FOXC1: variants seen among roughly 807,000 people sequenced by gnomAD.
FOXC1 encodes the protein forkhead box protein C1.
FOXC1 carries 5 observed loss-of-function variants against 8.1 expected under a neutral mutation model. The observed-to-expected ratio is 0.62, with a 90% CI of 0.32 to 1.30. FOXC1 has a LOEUF of 1.30. FOXC1 is among the 50% of genes most tolerant of loss of function. The pLI is 0.05. For missense variants in FOXC1, 942 were observed against 858.0 expected, an observed-to-expected ratio of 1.10 and a Z score of -1.22; for synonymous variants, 552 against 417.2, an observed-to-expected ratio of 1.32 and a Z score of -3.94.
Position 1,611,083 on chromosome 6 carries a change from C to T in FOXC1, c.638C>T (p.Ala213Val). The T allele has an allele frequency of 7.2e-7, 1 of 1,379,492 alleles. No individual in the cohort carries two copies. Among genetic ancestry groups the T allele is most frequent in the Non-Finnish European group, 9.4e-7 (1 of 1,061,570 alleles). 85.5% of individuals were successfully genotyped at this position (1,379,492 alleles called of 1,614,324 possible). A position where few individuals can be genotyped will look rare whatever the true frequency, so the allele number is the denominator to read the frequency against. The part of the protein sequence containing the change: ...PAPPEQADGN[A>V]PGPQPPPVRI... Reference sequence around the variant, plus strand: ...CCGCCGGAGCAGGCCGACGGCAACGCGCCCGGTCCGCAGCCGCCGCCCGTG... The same window carrying T: ...CCGCCGGAGCAGGCCGACGGCAACGTGCCCGGTCCGCAGCCGCCGCCCGTG... Residue 213 changes from alanine (A) to valine (V), a missense_variant, in exon 1 of 1, where the codon GCG (alanine) becomes GTG (valine). By Grantham distance (64) the Ala-to-Val change is moderately conservative. Around this residue, in one of 4 missense-constraint regions of FOXC1, gnomAD observed 726 missense variants for 599.6 expected, o/e 1.21. Transcript: ENST00000645831. This position sits in a 1 kb window ranked among gnomAD's most constrained non-coding sequence, Gnocchi z 7.1.
Position 1,613,280 on chromosome 6 carries a change from GAT to G in FOXC1, c.*1174_*1175del, listed in dbSNP as rs1762586208. ...GCATATTATACATCCCTGTGAGCCA[GAT>G]GCTGAATAGATATTTTCCTATTATT... On this transcript the variant is annotated 3_prime_UTR_variant, in exon 1 of 1. Transcript: ENST00000645831. The G allele has an allele frequency of 4.3e-6, 1 of 233,722 alleles. No individual in the cohort carries two copies. The highest frequency in any genetic ancestry group is 2.2e-5 in the African/African-American group (1 of 44,508). 14.5% of individuals were successfully genotyped at this position (233,722 alleles called of 1,614,324 possible). A position where few individuals can be genotyped will look rare whatever the true frequency, so the allele number is the denominator to read the frequency against.
rs755108810 is a variant in FOXC1, at chr6:1,612,077, A to C, written c.1632A>C (p.Gly544=). The change falls in exon 1 of 1, where the codon GGA becomes GGC. Residue 544 remains glycine, a synonymous_variant. Coordinates refer to ENST00000645831, the MANE Select transcript of FOXC1 (RefSeq NM_001453.3). ...PSSQSLYRTS[G]AFVYDCSKF is the part of the protein sequence containing the mutation. ...GCCAGTCTCTGTACCGCACGTCCGG[A>C]GCTTTCGTCTACGACTGTAGCAAGT... The C allele has an allele frequency of 3.1e-6, 5 of 1,614,068 alleles. No homozygotes were observed. Among genetic ancestry groups the C allele is most frequent in the Non-Finnish European group, 4.2e-6 (5 of 1,180,026 alleles).
Position 1,613,299 on chromosome 6 carries a change from C to T in FOXC1, c.*1192C>T, listed in dbSNP as rs1046778204. The T allele has an allele frequency of 1.7e-5, 4 of 230,394 alleles. No homozygotes were observed. The highest frequency in any genetic ancestry group is 1.9e-4 in the South Asian group (1 of 5,364). 14.3% of individuals were successfully genotyped at this position (230,394 alleles called of 1,614,324 possible). ...GAGCCAGATGCTGAATAGATATTTT[C>T]CTATTATTTCAGTCCTTTATAAAAG... is the stretch of plus-strand genomic sequence containing the variant. On this transcript the variant is annotated 3_prime_UTR_variant, in exon 1 of 1. Transcript: ENST00000645831.
chr6:1,613,194 C>T lies in FOXC1; in HGVS notation c.*1087C>T, dbSNP rs1359917061. The stretch of plus-strand genomic sequence containing the variant: ...GATGCCTGTGTGCCGAGAGATGGGA[C>T]TGTGCGGCCAGATATGCACAGATAA... On this transcript the variant is annotated 3_prime_UTR_variant, in exon 1 of 1. Transcript: ENST00000645831. The T allele has an allele frequency of 6.2e-5, 15 of 241,300 alleles. No individual in the cohort carries two copies. The Admixed American group carries it at 8.0e-4, about 13-fold the overall frequency. 14.9% of individuals were successfully genotyped at this position (241,300 alleles called of 1,614,324 possible). A position where few individuals can be genotyped will look rare whatever the true frequency, so the allele number is the denominator to read the frequency against.
rs1762511013 is a variant in FOXC1, at chr6:1,610,272, G to T, written c.-174G>T. The T allele has an allele frequency of 4.7e-6, 1 of 214,194 alleles. No individual in the cohort carries two copies. Among genetic ancestry groups the T allele is most frequent in the Admixed American group, 6.6e-5 (1 of 15,212 alleles). 13.3% of individuals were successfully genotyped at this position (214,194 alleles called of 1,614,324 possible). ...CCCGAGGTAGCCCGAGGCGCCGGAGGAGCCAGCCCCAGCGAGCGCCGGGAG... is the reference window on the plus strand; with the variant it reads ...CCCGAGGTAGCCCGAGGCGCCGGAGTAGCCAGCCCCAGCGAGCGCCGGGAG... On this transcript the variant is annotated 5_prime_UTR_variant, in exon 1 of 1. Transcript: ENST00000645831.
Position 1,611,840 on chromosome 6 carries a change from C to T in FOXC1, c.1395C>T (p.Ala465=), listed in dbSNP as rs1415786752. 2 of 1,530,920 alleles carry T rather than the reference C, an allele frequency of 1.3e-6. No homozygotes were observed. The highest frequency in any genetic ancestry group is 2.0e-5 in the Admixed American group (1 of 49,668). 94.8% of individuals were successfully genotyped at this position (1,530,920 alleles called of 1,614,324 possible). ...AGGAGGCCGGCCACCACCCTGCGGC[C>T]CACCAAGGCCGCCTCACCTCGTGGT... ...GGQEAGHHPA[A]HQGRLTSWYL... The change falls in exon 1 of 1, where the codon GCC becomes GCT. Residue 465 remains alanine, a synonymous_variant. Transcript: ENST00000645831. This position sits in a 1 kb window ranked among gnomAD's most constrained non-coding sequence, Gnocchi z 7.1.
chr6:1,612,388 G>C lies in FOXC1; in HGVS notation c.*281G>C. 7.0e-6 allele frequency: 4 copies of C among 569,504 alleles called. No homozygotes were observed. The highest frequency in any genetic ancestry group is 1.3e-5 in the Non-Finnish European group (4 of 313,070). 35.3% of individuals were successfully genotyped at this position (569,504 alleles called of 1,614,324 possible). On this transcript the variant is annotated 3_prime_UTR_variant, in exon 1 of 1. Transcript: ENST00000645831. ...TTTTATACAGAGACAGCAAAATCTT[G>C]GTTTATTAAAGGACAGTGTTACTCC... is the stretch of plus-strand genomic sequence containing the variant.
chr6:1,611,278 C>T lies in FOXC1; in HGVS notation c.833C>T (p.Pro278Leu), dbSNP rs777329712. The T allele has an allele frequency of 1.4e-6, 2 of 1,385,916 alleles. No individual in the cohort carries two copies. Among genetic ancestry groups the T allele is most frequent in the South Asian group, 1.5e-5 (1 of 66,460 alleles). 85.9% of individuals were successfully genotyped at this position (1,385,916 alleles called of 1,614,324 possible). The change falls in exon 1 of 1, where the codon CCG (proline) becomes CTG (leucine). Residue 278 changes from proline to leucine, a missense_variant. Physicochemically the swap from Pro to Leu is moderately conservative, Grantham distance 98. Transcript: ENST00000645831. This position sits in a 1 kb window ranked among gnomAD's most constrained non-coding sequence, Gnocchi z 7.1. ...GGGAGCAGCCCCCCGGGCAGCCTGC[C>T]GTCGGCGCGGCCGCTCAGCCTGGAC... is the stretch of plus-strand genomic sequence containing the variant. ...SSGSSPPGSLPSARPLSLDGA... is the reference protein window; with the variant it reads ...SSGSSPPGSLLSARPLSLDGA...
rs910042588 is a variant in FOXC1 at position 1,612,214 on chromosome 6, C to T, written c.*107C>T. The T allele has an allele frequency of 6.6e-6, 10 of 1,526,186 alleles. No homozygotes were observed. Among genetic ancestry groups the T allele is most frequent in the Admixed American group, 4.0e-5 (2 of 50,106 alleles). The allele number at this position is 1,526,186 out of a possible 1,614,324, so 94.5% of individuals were successfully genotyped here. On this transcript the variant is annotated 3_prime_UTR_variant, in exon 1 of 1. Transcript: ENST00000645831. ...AAAAAAAATCCAATTAAAAAAAACCCCTGAGAATATTCACCACACCAGCGA... is the reference window on the plus strand; with the variant it reads ...AAAAAAAATCCAATTAAAAAAAACCTCTGAGAATATTCACCACACCAGCGA...
chr6:1,610,856 C>G lies in FOXC1; in HGVS notation c.411C>G (p.Val137=). The change falls in exon 1 of 1, where the codon GTC becomes GTG. Residue 137 remains valine, a synonymous_variant. Coordinates refer to ENST00000645831, the MANE Select transcript of FOXC1 (RefSeq NM_001453.3). ...ACCTCTCGCTCAACGAGTGCTTCGT[C>G]AAGGTGCCGCGCGACGACAAGAAGC... The part of the protein sequence containing the change: ...RHNLSLNECF[V]KVPRDDKKPG... 1.2e-6 allele frequency: 2 copies of G among 1,614,102 alleles called. No homozygotes were observed. Among genetic ancestry groups the G allele is most frequent in the South Asian group, 1.1e-5 (1 of 91,072 alleles).
Position 1,612,183 on chromosome 6 carries a change from C to T in FOXC1, c.*76C>T, listed in dbSNP as rs953785432. 1 of 1,580,908 alleles carries T rather than the reference C, an allele frequency of 6.3e-7. No homozygotes were observed. ...GGAACCCATCAAGGCAAAATCGAAACTAAAAAAAAAAAATCCAATTAAAAA... is the reference window on the plus strand; with the variant it reads ...GGAACCCATCAAGGCAAAATCGAAATTAAAAAAAAAAAATCCAATTAAAAA... On this transcript the variant is annotated 3_prime_UTR_variant, in exon 1 of 1. Coordinates refer to ENST00000645831, the MANE Select transcript of FOXC1 (RefSeq NM_001453.3).
In FOXC1 at chr6:1,611,147, C is replaced by T. The variant is rs772316348; in HGVS notation, c.702C>T (p.Pro234=). ...TCAAGACCGAGAACGGTACGTGCCC[C>T]TCGCCGCCCCAGCCCCTGTCCCCGG... ...QDIKTENGTC[P]SPPQPLSPAA... Residue 234 remains proline (P), a synonymous_variant, in exon 1 of 1, where the codon CCC becomes CCT. Transcript: ENST00000645831. This position sits in a 1 kb window ranked among gnomAD's most constrained non-coding sequence, Gnocchi z 7.1. The T allele has an allele frequency of 1.4e-6, 2 of 1,440,770 alleles. No individual in the cohort carries two copies. Among genetic ancestry groups the T allele is most frequent in the South Asian group, 2.6e-5 (2 of 75,658 alleles). The allele number at this position is 1,440,770 out of a possible 1,614,324, so 89.2% of individuals were successfully genotyped here.
In FOXC1 at chr6:1,611,026, C is replaced by A. The variant is rs752794025; in HGVS notation, c.581C>A (p.Pro194Gln). 3.9e-6 allele frequency: 6 copies of A among 1,557,874 alleles called. 1 individual carries two copies. In the South Asian group the frequency reaches 7.0e-5, roughly 18 times the overall value. ...EEKDRLHLKE[P>Q]PPPGRQPPPA... ...AAGGACAGGCTGCACCTCAAGGAGC[C>A]GCCCCCGCCCGGCCGCCAGCCCCCG... Residue 194 changes from proline to glutamine, a missense_variant, in exon 1 of 1, where the codon CCG becomes CAG. Physicochemically the swap from Pro to Gln is moderately conservative, Grantham distance 76 (BLOSUM62 -1). Coordinates refer to ENST00000645831, the MANE Select transcript of FOXC1 (RefSeq NM_001453.3). The surrounding 1 kb of genome is among the most constrained non-coding windows in gnomAD (Gnocchi z 7.1).
rs1762582790 is a variant in FOXC1, at chr6:1,612,948, T to G, written c.*841T>G. ...CTGAAAAATGGAGAAACCCTCTGAC[T>G]AGTCCATGTCAAATTTTACTAAAAG... On this transcript the variant is annotated 3_prime_UTR_variant, in exon 1 of 1. Transcript: ENST00000645831. 1 of 221,984 alleles carries G rather than the reference T, an allele frequency of 4.5e-6. No individual in the cohort carries two copies. Among genetic ancestry groups the G allele is most frequent in the Non-Finnish European group, 9.8e-6 (1 of 102,030 alleles). The allele number at this position is 221,984 out of a possible 1,614,324, so 13.8% of individuals were successfully genotyped here.
In FOXC1 at chr6:1,612,329, T is replaced by G. The variant is rs2113115833; in HGVS notation, c.*222T>G. On this transcript the variant is annotated 3_prime_UTR_variant, in exon 1 of 1. Transcript: ENST00000645831. The stretch of plus-strand genomic sequence containing the variant: ...CCGATTAATTCAGAGCCACCTCCAC[T>G]TTGCCTTGTCTAAATAAACAAACCC... 2 of 693,450 alleles carry G rather than the reference T, an allele frequency of 2.9e-6. No individual in the cohort carries two copies. The highest frequency in any genetic ancestry group is 3.9e-5 in the South Asian group (2 of 50,934). The allele number at this position is 693,450 out of a possible 1,614,324, so 43.0% of individuals were successfully genotyped here.
chr6:1,611,462 C>G lies in FOXC1; in HGVS notation c.1017C>G (p.Ser339=). The G allele has an allele frequency of 2.2e-6, 3 of 1,385,274 alleles. No individual in the cohort carries two copies. The highest frequency in any genetic ancestry group is 1.5e-5 in the African/African-American group (1 of 65,894). The allele number at this position is 1,385,274 out of a possible 1,614,324, so 85.8% of individuals were successfully genotyped here. Residue 339 remains serine (S), a synonymous_variant, in exon 1 of 1, where the codon TCC becomes TCG. Coordinates refer to ENST00000645831, the MANE Select transcript of FOXC1 (RefSeq NM_001453.3). The surrounding 1 kb of genome is among the most constrained non-coding windows in gnomAD (Gnocchi z 7.1). ...GCCTTCTGGCCTCGGCGGCCGCGTC[C>G]TCGCGCGCGGGGATCGCACCCCCGC... ...SSGLLASAAA[S]SRAGIAPPLA...
Position 1,610,694 on chromosome 6 carries a change from C to T in FOXC1, c.249C>T (p.Tyr83=), listed in dbSNP as rs527271139. 2 of 1,613,974 alleles carry T rather than the reference C, an allele frequency of 1.2e-6. No individual in the cohort carries two copies. Among genetic ancestry groups the T allele is most frequent in the South Asian group, 1.1e-5 (1 of 91,082 alleles). ...ACATGGTGAAGCCGCCCTATAGCTA[C>T]ATCGCGCTCATCACCATGGCCATCC... ...PKDMVKPPYS[Y]IALITMAIQN... The change falls in exon 1 of 1, where the codon TAC becomes TAT. Residue 83 remains tyrosine, a synonymous_variant. Transcript: ENST00000645831.
At position 1,611,782 on chromosome 6, in the gene FOXC1, A is replaced by ATGG. The variant is rs1762557230; in HGVS notation, c.1337_1338insTGG (p.Gly456dup). 4.2e-6 allele frequency: 6 copies of ATGG among 1,440,796 alleles called. No individual in the cohort carries two copies. In the South Asian group the frequency reaches 5.4e-5, roughly 13 times the overall value. The allele number at this position is 1,440,796 out of a possible 1,614,324, so 89.3% of individuals were successfully genotyped here. The stretch of plus-strand genomic sequence containing the variant: ...AGCAGCAGCTCGTCGTCCCTGAGTC[A>ATGG]CGGCGGCGGCGGCGGCGGCGGCGGG... On this transcript the variant is annotated inframe_insertion, in exon 1 of 1. Coordinates refer to ENST00000645831, the MANE Select transcript of FOXC1 (RefSeq NM_001453.3). The surrounding 1 kb of genome is among the most constrained non-coding windows in gnomAD (Gnocchi z 7.1).
At position 1,612,048 on chromosome 6, in the gene FOXC1, T is replaced by A; in HGVS notation, c.1603T>A (p.Ser535Thr). Residue 535 changes from serine (S) to threonine (T), a missense_variant, in exon 1 of 1, where the codon TCC becomes ACC. Ser to Thr is a moderately conservative substitution (Grantham distance 58). Transcript: ENST00000645831. ...TAGTAGCTGTCAAATGGCCTTCCCTTCCAGCCAGTCTCTGTACCGCACGTC... is the reference window on the plus strand; with the variant it reads ...TAGTAGCTGTCAAATGGCCTTCCCTACCAGCCAGTCTCTGTACCGCACGTC... ...GNSSCQMAFP[S>T]SQSLYRTSGA... 5.0e-6 allele frequency: 8 copies of A among 1,613,398 alleles called. No homozygotes were observed. The highest frequency in any genetic ancestry group is 6.8e-6 in the Non-Finnish European group (8 of 1,179,992).
Sources: allele counts gnomAD v4.1 joint callset, GRCh38; gene constraint gnomAD v4.1.1; regional missense constraint gnomAD v4.1.1; non-coding constraint Gnocchi (gnomAD v3.1); transcripts MANE v1.5; gene names NCBI Gene and HGNC (gene_info 2026-07-23, HGNC 2026-07-21).